Variants in BMPR1B observed in about 807,000 individuals in gnomAD.
BMPR1B encodes the protein bone morphogenetic protein receptor type 1B.
In BMPR1B, 12 loss-of-function variants were observed where a neutral mutation model predicts 59.1. The ratio of observed to expected loss-of-function variants is 0.20; its 90% confidence interval spans 0.13 to 0.33. BMPR1B has a LOEUF of 0.33. Among genes scored for constraint, BMPR1B ranks in the 10% least tolerant of loss-of-function variants. The pLI is 1.00. For missense variants in BMPR1B, 550 were observed against 610.9 expected, an observed-to-expected ratio of 0.90 and a Z score of 1.05; for synonymous variants, 237 against 207.3, an observed-to-expected ratio of 1.14 and a Z score of -1.23.
chr4:94,804,094 G>C (rs919268711), intron 1 of BMPR1B, among the ~76,000 whole-genome samples: 3 of 152,112 alleles, frequency 2.0e-5, no homozygotes, highest in African/African-American at 7.2e-5. Context: ...TAGCCAGGAT[G>C]GTCTCAATCT....
intron 3 of BMPR1B, among the ~76,000 whole-genome samples, chr4:95,093,973 G>A (rs1730185836): frequency 1.3e-5 from 2 of 152,034 alleles, no homozygotes; most frequent in Non-Finnish European, 2.9e-5. Flanking sequence ...CACACACAAA[G>A]TAATCTTCCC....
chr4:94,847,936 A>G lies in BMPR1B; in HGVS notation c.-182-27895A>G, dbSNP rs114702883. 5.5e-3 allele frequency among the ~76,000 whole-genome samples: 845 copies of G among 152,292 alleles called. 5 individuals carry two copies. The highest frequency in any genetic ancestry group is 0.019 in the African/African-American group (794 of 41,552). ...AAAAGAGTATAATTGGATTTTTTGT[A>G]ACACGAAGAAATGATAAATGCTTAA... On this transcript the variant is annotated intron_variant, in intron 1 of 12. Transcript: ENST00000515059.
At chr4:94,917,693 C>T (rs1411070880) in intron 2 of BMPR1B, among the ~76,000 whole-genome samples, 3 of 152,136 alleles carry the variant, frequency 2.0e-5, no homozygotes, top group Non-Finnish European at 4.4e-5. Context: ...TCAGATGAGA[C>T]TTCAGACTGT....
chr4:94,769,504 G>C (rs1034183312), intron 1 of BMPR1B, among the ~76,000 whole-genome samples: 6 of 152,236 alleles, frequency 3.9e-5, no homozygotes, highest in South Asian at 2.1e-4. Context: ...CAGCTACCTG[G>C]AGGGCTGAGG....
At chr4:94,857,894 A>T (rs61706867) in intron 1 of BMPR1B, among the ~76,000 whole-genome samples, 3 of 152,238 alleles carry the variant, frequency 2.0e-5, no homozygotes, top group Non-Finnish European at 2.9e-5. Context: ...TTTGAAAAAC[A>T]TATGTTTATG....
intron 2 of BMPR1B, among the ~76,000 whole-genome samples, chr4:94,919,092 TTTC>T (rs377295253): frequency 2.5e-4 from 38 of 152,260 alleles, no homozygotes; most frequent in Middle Eastern, 6.8e-3. Context: ...CATCATGTTA[TTTC>T]TTCTTCTTGT....
chr4:95,051,670 G>A, intron 3 of BMPR1B: 1 of 1,533,798 alleles, frequency 6.5e-7, no homozygotes, highest in Non-Finnish European at 8.7e-7. Flanking sequence ...GCTTAAACAG[G>A]CAGGGCACAT....
chr4:94,758,653 G>T (rs1429978234), intron 1 of BMPR1B, among the ~76,000 whole-genome samples: 2 of 152,106 alleles, frequency 1.3e-5, no homozygotes, highest in Non-Finnish European at 2.9e-5. Flanking sequence ...CTTGGACTGG[G>T]CTCCGTCTCT....
chr4:94,862,382 C>T (rs1726020197), intron 1 of BMPR1B, among the ~76,000 whole-genome samples: 1 of 151,614 alleles, frequency 6.6e-6, no homozygotes, highest in East Asian at 2.0e-4. Context: ...AACTCCTGAC[C>T]TCAGGTGAGC....
chr4:94,838,039 C>G (rs1352594750), intron 1 of BMPR1B, among the ~76,000 whole-genome samples: 1 of 142,482 alleles, frequency 7.0e-6, no homozygotes, highest in African/African-American at 2.7e-5. Context: ...GTCTTTGGCT[C>G]TGTTTATATG....
At chr4:95,059,242 C>T (rs192771448) in intron 3 of BMPR1B, among the ~76,000 whole-genome samples, 1 of 152,218 alleles carries the variant, frequency 6.6e-6, no homozygotes. Context: ...GGGTAGATGC[C>T]ACTTAAGTTG....
chr4:94,759,315 T>TA (rs1196755662), intron 1 of BMPR1B, among the ~76,000 whole-genome samples: 2 of 152,202 alleles, frequency 1.3e-5, no homozygotes, highest in African/African-American at 4.8e-5. Context: ...AATGTGTTAA[T>TA]ACCAAACTTA....
At chr4:94,826,962 T>C (rs1009924742) in intron 1 of BMPR1B, among the ~76,000 whole-genome samples, 9 of 152,156 alleles carry the variant, frequency 5.9e-5, no homozygotes, top group African/African-American at 1.9e-4. Context: ...ATAATACTAC[T>C]TTCAAATGAT....
intron 3 of BMPR1B, among the ~76,000 whole-genome samples, chr4:95,002,603 A>G (rs1302230827): frequency 1.3e-5 from 2 of 152,218 alleles, no homozygotes; most frequent in African/African-American, 4.8e-5. Context: ...ACAGTGTATA[A>G]GCAATGAAAG....
At chr4:94,759,489 C>G (rs1721673263) in intron 1 of BMPR1B, among the ~76,000 whole-genome samples, 1 of 152,204 alleles carries the variant, frequency 6.6e-6, no homozygotes, top group African/African-American at 2.4e-5. Context: ...GCCAACGAAT[C>G]TCTGTTTTCT....
At chr4:94,758,924 GTCTC>G (rs35388032) in intron 1 of BMPR1B, among the ~76,000 whole-genome samples, 11 of 150,844 alleles carry the variant, frequency 7.3e-5, no homozygotes, top group Admixed American at 2.0e-4. Context: ...CAATCTTTTG[GTCTC>G]TCTCTCTCTC....
intron 2 of BMPR1B, among the ~76,000 whole-genome samples, chr4:94,988,994 C>T (rs1468926019): frequency 6.6e-6 from 1 of 152,104 alleles, no homozygotes; most frequent in African/African-American, 2.4e-5. Context: ...TGAGGACTAG[C>T]TTGGATTATT....
intron 1 of BMPR1B, among the ~76,000 whole-genome samples, chr4:94,795,645 G>A (rs915457541): frequency 6.6e-6 from 1 of 151,900 alleles, no homozygotes; most frequent in African/African-American, 2.4e-5. Flanking sequence ...TGTATTTTTA[G>A]TAGAGACGGG....
chr4:94,977,465 A>G (rs561194191), intron 2 of BMPR1B, among the ~76,000 whole-genome samples: 1 of 138,268 alleles, frequency 7.2e-6, no homozygotes, highest in East Asian at 2.1e-4. Context: ...TTATTTTCAA[A>G]CCCAGCAAGA....
Sources: allele counts gnomAD v4.1 joint callset (sites outside exome capture counted in the v4.1 genomes callset), GRCh38; gene constraint gnomAD v4.1.1; transcripts MANE v1.5; gene names NCBI Gene and HGNC (gene_info 2026-07-23, HGNC 2026-07-21).